ACADVL: variants seen among roughly 807,000 people sequenced by gnomAD.
ACADVL encodes very long-chain acyl-CoA dehydrogenase, mitochondrial.
Under a neutral mutation model 80.4 loss-of-function variants are expected in ACADVL, and 73 were observed. The observed-to-expected ratio is 0.91, with a 90% CI of 0.75 to 1.10. ACADVL has a LOEUF of 1.10. Ranked by LOEUF, ACADVL falls within the 50% of genes least tolerant of loss-of-function variation. The pLI, the probability that ACADVL is intolerant of heterozygous loss-of-function variation, is 0.00. For synonymous variants in ACADVL, 392 were observed against 326.5 expected (o/e 1.20, Z -2.16); for missense variants, 878 against 858.9 (o/e 1.02, Z -0.28).
upstream of ACADVL, chr17:7,217,422 C>T (rs1234137105): frequency 7.5e-6 from 1 of 133,698 alleles, no homozygotes. Flanking sequence ...GCGGGGGCAC[C>T]GGGGGCTGGC....
rs759638134 is a variant in ACADVL at position 7,224,673 on chromosome 17, C to T, written c.1710C>T (p.Asp570=). The change falls in exon 18 of 20, where the codon GAC becomes GAT. Residue 570 remains aspartate (D), a synonymous_variant. Coordinates refer to ENST00000356839, the MANE Select transcript of ACADVL (RefSeq NM_000018.4). ...AGTTTCTGCTGCAGCGGCTGGCAGACGGGGCCATCGACCTCTATGCCATGG... is the reference window on the plus strand; with the variant it reads ...AGTTTCTGCTGCAGCGGCTGGCAGATGGGGCCATCGACCTCTATGCCATGG... ...NEQFLLQRLA[D]GAIDLYAMVV... 17 of 1,550,442 alleles carry T rather than the reference C, an allele frequency of 1.1e-5. No individual in the cohort carries two copies. Among genetic ancestry groups the T allele is most frequent in the Admixed American group, 7.6e-5 (4 of 52,476 alleles).
chr17:7,219,825 C>CCAGG (rs1422177528), upstream of ACADVL: 1 of 1,534,074 alleles, frequency 6.5e-7, no homozygotes, highest in South Asian at 1.2e-5. Context: ...GGGCCGGGCT[C>CCAGG]CAGGGAACTA....
At chr17:7,223,787 C>A in intron 12 of ACADVL, 26 bp from the exon 13 acceptor site, 1 of 1,614,074 alleles carries the variant, frequency 6.2e-7, no homozygotes, top group Non-Finnish European at 8.5e-7. Flanking sequence ...CTCCCAAAAC[C>A]AGTCTCATCT....
chr17:7,218,673 G>C, upstream of ACADVL: 5 of 1,548,766 alleles, frequency 3.2e-6, no homozygotes, highest in Non-Finnish European at 3.5e-6. Flanking sequence ...GGACAGGGAA[G>C]ATGCCAACAC....
intron 9 of ACADVL, 44 bp from the exon 10 acceptor site, chr17:7,222,623 A>G: frequency 2.6e-6 from 4 of 1,560,108 alleles, no homozygotes; most frequent in Non-Finnish European, 3.5e-6. Context: ...CCCAGTGACA[A>G]CCTGTTGAAC....
Position 7,222,880 on chromosome 17 carries a change from C to T in ACADVL, c.1077+15C>T, listed in dbSNP as rs202237278. 4.0e-4 allele frequency: 650 copies of T among 1,609,274 alleles called. 5 individuals carry two copies. The highest frequency in any genetic ancestry group is 3.2e-3 in the South Asian group (293 of 90,946). ...TTGCTAAGGCGGTGAGTACCCTGCC[C>T]GAGTCCCTAGGTAACCCAAACAGAA... On this transcript the variant is annotated intron_variant, in intron 10 of 19. Coordinates refer to ENST00000356839, the MANE Select transcript of ACADVL (RefSeq NM_000018.4).
At chr17:7,219,536 T>G, upstream of ACADVL, 1 of 1,077,446 alleles carries the variant, frequency 9.3e-7, no homozygotes, top group Non-Finnish European at 1.1e-6. Flanking sequence ...CCGAGATAGA[T>G]TTCATCAGGA....
At chr17:7,223,751 G>A (rs764017176) in intron 12 of ACADVL, 21 bp downstream of exon 12, 1 of 1,614,112 alleles carries the variant, frequency 6.2e-7, no homozygotes, top group Admixed American at 1.7e-5. Flanking sequence ...AGGCATGCTG[G>A]GAGGGAGTCC....
rs886043235 is a variant in ACADVL, at chr17:7,220,810, C to G, written c.322C>G (p.Pro108Ala). 9 of 1,613,982 alleles carry G rather than the reference C, an allele frequency of 5.6e-6. No homozygotes were observed. The highest frequency in any genetic ancestry group is 4.0e-5 in the African/African-American group (3 of 74,938). The change falls in exon 5 of 20, where the codon CCT (proline) becomes GCT (alanine). Residue 108 changes from proline (P) to alanine (A), a missense_variant. Transcript: ENST00000356839. ...QTQFLKELVE[P>A]VSRFFEEVND... ...ACAGTTTCTTAAAGAGCTGGTGGAG[C>G]CTGTGTCCCGTTTCTTCGAGGTAAG...
chr17:7,222,676 TGAG>T lies in ACADVL; in HGVS notation c.889_891del (p.Glu297del), dbSNP rs796051914. ...CACTGCCCTGACACAGTGGGCCCCC[TGAG>T]AAGAAGATGGGCATCAAGGCTTCAA... On this transcript the variant is annotated inframe_deletion, in exon 10 of 20. Coordinates refer to ENST00000356839, the MANE Select transcript of ACADVL (RefSeq NM_000018.4). The T allele has an allele frequency of 9.3e-6, 15 of 1,613,658 alleles. No homozygotes were observed. The highest frequency in any genetic ancestry group is 1.3e-5 in the Non-Finnish European group (15 of 1,179,814).
At chr17:7,218,737 G>A (rs779152504), upstream of ACADVL, 80 of 1,572,286 alleles carry the variant, frequency 5.1e-5, no homozygotes, top group Non-Finnish European at 6.9e-5. Flanking sequence ...CTTCACCCCA[G>A]CCCCTACGGA....
At chr17:7,222,383 T>C in intron 9 of ACADVL, 81 bp downstream of exon 9, 1 of 1,565,626 alleles carries the variant, frequency 6.4e-7, no homozygotes, top group South Asian at 1.2e-5. Flanking sequence ...CAAGTCACCC[T>C]GGGGACGTGT....
At position 7,224,235 on chromosome 17, in the gene ACADVL, G is replaced by A; in HGVS notation, c.1524G>A (p.Gln508=). The change falls in exon 15 of 20, where the codon CAG becomes CAA. Residue 508 remains glutamine (Q), a synonymous_variant. Transcript: ENST00000356839. ...TCCTGCTAGGAGAGGCAGGCAAACA[G>A]CTGAGGCGGTAGGCTTAGGGCCAGA... The part of the protein sequence containing the change: ...AGLLLGEAGK[Q]LRRRAGLGSG... 6.2e-7 allele frequency: 1 copy of A among 1,613,874 alleles called. No individual in the cohort carries two copies. Among genetic ancestry groups the A allele is most frequent in the East Asian group, 2.2e-5 (1 of 44,878 alleles).
At position 7,220,446 on chromosome 17, in the gene ACADVL, A is replaced by G; in HGVS notation, c.139-18A>G. On this transcript the variant is annotated intron_variant, in intron 2 of 19. Coordinates refer to ENST00000356839, the MANE Select transcript of ACADVL (RefSeq NM_000018.4). ...CGGAAGTCCCTTCCCTGAACTTGCT[A>G]ACCGTCTCTTTTCCCAGCTGGCTCT... 2 of 1,614,138 alleles carry G rather than the reference A, an allele frequency of 1.2e-6. No homozygotes were observed. The highest frequency in any genetic ancestry group is 1.7e-6 in the Non-Finnish European group (2 of 1,179,996).
At chr17:7,223,105 A>G in intron 10 of ACADVL, 28 bp from the exon 11 acceptor site, 2 of 1,589,170 alleles carry the variant, frequency 1.3e-6, no homozygotes, top group Non-Finnish European at 1.7e-6. Context: ...ACACTGAACC[A>G]CAGCGGGATG....
At position 7,221,042 on chromosome 17, in the gene ACADVL, G is replaced by C. The variant is rs2071188406; in HGVS notation, c.461G>C (p.Gly154Ala). Reference sequence around the variant, plus strand: ...GTGCCCAGTGAGCTGGGTGGTGTGGGCCTTTGCAACACCCAGGTGAGGGCG... The same window carrying C: ...GTGCCCAGTGAGCTGGGTGGTGTGGCCCTTTGCAACACCCAGGTGAGGGCG... ...LQVPSELGGV[G>A]LCNTQYARLV... The change falls in exon 6 of 20, where the codon GGC becomes GCC. Residue 154 changes from glycine (G) to alanine (A), a missense_variant. Gly to Ala is a moderately conservative substitution (Grantham distance 60). Transcript: ENST00000356839. The C allele has an allele frequency of 6.2e-7, 1 of 1,613,808 alleles. No homozygotes were observed. The highest frequency in any genetic ancestry group is 1.7e-5 in the Admixed American group (1 of 60,020).
In ACADVL at chr17:7,224,064, T is replaced by A; in HGVS notation, c.1429T>A (p.Cys477Ser). The part of the protein sequence containing the change: ...ILRLFVALQG[C>S]MDKGKELSGL... ...TCGGCTGTTTGTGGCTCTGCAGGGC[T>A]GTATGGTAAGACAGAGAATTGGGTG... Residue 477 changes from cysteine (C) to serine (S), a missense_variant, in exon 14 of 20, where the codon TGT becomes AGT. Coordinates refer to ENST00000356839, the MANE Select transcript of ACADVL (RefSeq NM_000018.4). The A allele has an allele frequency of 6.2e-7, 1 of 1,614,056 alleles. No individual in the cohort carries two copies.
chr17:7,220,399 G>A, intron 2 of ACADVL, 65 bp from the exon 3 acceptor site: 2 of 1,608,026 alleles, frequency 1.2e-6, no homozygotes, highest in South Asian at 1.1e-5. Flanking sequence ...CGCGGCTCTC[G>A]CCTGTTCTCC....
At chr17:7,218,903 G>C, upstream of ACADVL, 1 of 1,589,868 alleles carries the variant, frequency 6.3e-7, no homozygotes, top group Non-Finnish European at 8.6e-7. Flanking sequence ...GAGTTGAGCT[G>C]CTTCTCCCCA....
Sources: gnomAD v4.1 joint callset for allele counts on GRCh38, gnomAD v4.1.1 for gene constraint, MANE v1.5 for transcripts, NCBI Gene and HGNC (gene_info 2026-07-23, HGNC 2026-07-21) for gene names.